The following ARHGAP44 variants were observed in gnomAD, a reference collection of about 807,000 sequenced individuals.
ARHGAP44 encodes the protein rho GTPase-activating protein 44.
ARHGAP44 carries 43 observed loss-of-function variants against 106.8 expected under a neutral mutation model. That is an observed-to-expected ratio of 0.40 (90% CI 0.32 to 0.52). The LOEUF (loss-of-function observed/expected upper bound fraction) is 0.52, where lower values mean the gene tolerates loss of function less well. Among genes scored for constraint, ARHGAP44 ranks in the 20% least tolerant of loss-of-function variants. ARHGAP44 has a pLI of 0.48. For synonymous variants in ARHGAP44, 439 were observed against 410.3 expected (o/e 1.07, Z -0.85); for missense variants, 866 against 1,050.5 (o/e 0.82, Z 2.43).
intron 4 of ARHGAP44, among the ~76,000 whole-genome samples, chr17:12,913,690 G>A (rs2037807273): frequency 6.9e-6 from 1 of 144,870 alleles, no homozygotes; most frequent in Non-Finnish European, 1.5e-5. Flanking sequence ...GAGGCAGGTG[G>A]ATTACCTGGG....
intron 1 of ARHGAP44, among the ~76,000 whole-genome samples, chr17:12,854,367 A>G (rs2035845084): frequency 6.6e-6 from 1 of 152,158 alleles, no homozygotes; most frequent in Admixed American, 6.5e-5. Flanking sequence ...GAATGATATC[A>G]TATAGAGAGA....
intron 1 of ARHGAP44, among the ~76,000 whole-genome samples, chr17:12,832,922 C>T (rs2035129737): frequency 6.6e-6 from 1 of 152,174 alleles, no homozygotes; most frequent in Admixed American, 6.5e-5. Context: ...ACAGATCTCC[C>T]TTGTTCTGCT....
chr17:12,791,149 T>C (rs994476970), intron 1 of ARHGAP44, among the ~76,000 whole-genome samples: 1 of 152,136 alleles, frequency 6.6e-6, no homozygotes, highest in Non-Finnish European at 1.5e-5. Flanking sequence ...TTCTTATGCT[T>C]CCAGGGACTC....
At chr17:12,830,159 G>C (rs569240958) in intron 1 of ARHGAP44, among the ~76,000 whole-genome samples, 3 of 152,252 alleles carry the variant, frequency 2.0e-5, no homozygotes, top group Admixed American at 2.0e-4. Flanking sequence ...TTATTCAAAT[G>C]CTTCCCCATC....
chr17:12,806,328 A>G (rs951317827), intron 1 of ARHGAP44, among the ~76,000 whole-genome samples: 1 of 152,166 alleles, frequency 6.6e-6, no homozygotes, highest in African/African-American at 2.4e-5. Flanking sequence ...TGTGATTGCC[A>G]AGGGATATAG....
intron 1 of ARHGAP44, among the ~76,000 whole-genome samples, chr17:12,821,297 A>G (rs901647783): frequency 6.6e-6 from 1 of 152,212 alleles, no homozygotes; most frequent in African/African-American, 2.4e-5. Flanking sequence ...ATCAATTGAT[A>G]GAAAACAATG....
intron 1 of ARHGAP44, among the ~76,000 whole-genome samples, chr17:12,874,700 C>G (rs1407124446): frequency 2.0e-5 from 3 of 150,504 alleles, no homozygotes; most frequent in Non-Finnish European, 4.4e-5. Flanking sequence ...CCACTGCACT[C>G]TAGCCTGGGT....
intron 18 of ARHGAP44, among the ~76,000 whole-genome samples, chr17:12,976,240 AAC>A (rs998136459): frequency 3.3e-5 from 5 of 151,904 alleles, no homozygotes; most frequent in African/African-American, 1.2e-4. Context: ...CCAGCACACA[AAC>A]ACACACCCAC....
chr17:12,965,308 C>T (rs1210546287), intron 16 of ARHGAP44, among the ~76,000 whole-genome samples: 1 of 152,208 alleles, frequency 6.6e-6, no homozygotes, highest in Non-Finnish European at 1.5e-5. Context: ...GTCTGATCCT[C>T]AGGGGTTCTC....
At chr17:12,957,433 G>A (rs1271052058) in intron 15 of ARHGAP44, among the ~76,000 whole-genome samples, 2 of 152,220 alleles carry the variant, frequency 1.3e-5, no homozygotes, top group Admixed American at 6.5e-5. Flanking sequence ...CTTTGTAGAT[G>A]CAGAGGGGGA....
At chr17:12,935,935 G>A (rs2190700) in intron 7 of ARHGAP44, among the ~76,000 whole-genome samples, 116,492 of 152,184 alleles carry the variant, frequency 0.77, 45,280 homozygotes, top group African/African-American at 0.9. Flanking sequence ...ATTGACTTGC[G>A]TCAAAGATCT....
intron 1 of ARHGAP44, among the ~76,000 whole-genome samples, chr17:12,798,616 A>G (rs1040935391): frequency 1.1e-4 from 16 of 152,236 alleles, no homozygotes; most frequent in Admixed American, 3.9e-4. Context: ...AATCTTGACT[A>G]TGGTGTGTTC....
At position 12,974,314 on chromosome 17, in the gene ARHGAP44, A is replaced by AGC; in HGVS notation, c.1763+8_1763+9dup. 2.1e-6 allele frequency: 3 copies of AGC among 1,405,204 alleles called. No homozygotes were observed. Among genetic ancestry groups the AGC allele is most frequent in the Non-Finnish European group, 2.8e-6 (3 of 1,086,940 alleles). 87.0% of individuals were successfully genotyped at this position (1,405,204 alleles called of 1,614,324 possible). A position where few individuals can be genotyped will look rare whatever the true frequency, so the allele number is the denominator to read the frequency against. On this transcript the variant is annotated splice_donor_region_variant and intron_variant, in intron 18 of 20. Transcript: ENST00000379672. Reference sequence around the variant, plus strand: ...AGCCTGGGCCCGAGCGCACCAGGTAAGCGCGGGCCACTGCCGTCCGGGCGG... The same window carrying AGC: ...AGCCTGGGCCCGAGCGCACCAGGTAAGCGCGCGGGCCACTGCCGTCCGGGCGG...
At chr17:12,840,428 A>G (rs2035356959) in intron 1 of ARHGAP44, among the ~76,000 whole-genome samples, 1 of 152,220 alleles carries the variant, frequency 6.6e-6, no homozygotes, top group Non-Finnish European at 1.5e-5. Context: ...ACAGTCAAAT[A>G]AGCCACTCTT....
At chr17:12,962,828 C>T (rs2039295059) in intron 16 of ARHGAP44, among the ~76,000 whole-genome samples, 1 of 152,048 alleles carries the variant, frequency 6.6e-6, no homozygotes, top group Non-Finnish European at 1.5e-5. Context: ...GGTGGATCAC[C>T]TGAGGCCGAG....
At chr17:12,954,397 G>T (rs1006235143) in intron 13 of ARHGAP44, among the ~76,000 whole-genome samples, 1 of 152,196 alleles carries the variant, frequency 6.6e-6, no homozygotes, top group Non-Finnish European at 1.5e-5. Context: ...TCAACTTATG[G>T]CATGTTGCTG....
At chr17:12,921,569 A>G (rs1402892228) in intron 6 of ARHGAP44, among the ~76,000 whole-genome samples, 1 of 151,982 alleles carries the variant, frequency 6.6e-6, no homozygotes, top group African/African-American at 2.4e-5. Flanking sequence ...CTAGTTTCAG[A>G]CTCCAGAGTA....
intron 1 of ARHGAP44, among the ~76,000 whole-genome samples, chr17:12,868,807 G>A (rs1279981260): frequency 6.6e-6 from 1 of 150,948 alleles, no homozygotes; most frequent in Non-Finnish European, 1.5e-5. Context: ...ACAGGCATGT[G>A]CCACCACGCC....
intron 1 of ARHGAP44, among the ~76,000 whole-genome samples, chr17:12,876,035 C>CACCT (rs2036547324): frequency 6.6e-6 from 1 of 152,238 alleles, no homozygotes; most frequent in African/African-American, 2.4e-5. Flanking sequence ...GAAGCTCTAA[C>CACCT]TGCTTTCTCG....
Sources: gnomAD v4.1 joint callset for allele counts (sites outside exome capture counted in the v4.1 genomes callset) on GRCh38, gnomAD v4.1.1 for gene constraint, MANE v1.5 for transcripts, NCBI Gene and HGNC (gene_info 2026-07-23, HGNC 2026-07-21) for gene names.